Variants in GTF2F2 observed in about 807,000 individuals in gnomAD.
The protein encoded by GTF2F2 is ATP-dependent helicase GTF2F2.
A neutral mutation model predicts 42.2 loss-of-function variants in GTF2F2; 23 were observed. The observed-to-expected ratio is 0.55, with a 90% CI of 0.39 to 0.77. GTF2F2 has a LOEUF of 0.77. GTF2F2 is among the 30% of genes least tolerant of loss of function. The pLI, the probability that GTF2F2 is intolerant of heterozygous loss-of-function variation, is 0.00. For missense variants in GTF2F2, 261 were observed against 287.2 expected (o/e 0.91, Z 0.66); for synonymous variants, 105 against 100.8 (o/e 1.04, Z -0.25).
At chr13:45,269,422 C>T (rs1876697530) in intron 7 of GTF2F2, among the ~76,000 whole-genome samples, 1 of 152,078 alleles carries the variant, frequency 6.6e-6, no homozygotes, top group African/African-American at 2.4e-5. Flanking sequence ...TTACCTCCTC[C>T]TAGAGGAGAG....
At chr13:45,193,664 T>C (rs1261420903) in intron 4 of GTF2F2, 4 of 824,212 alleles carry the variant, frequency 4.9e-6, no homozygotes, top group Non-Finnish European at 7.7e-6. Context: ...TCACAGTAAT[T>C]GATTAGTAGC....
intron 1 of GTF2F2, among the ~76,000 whole-genome samples, chr13:45,122,867 C>A (rs533070897): frequency 6.6e-6 from 1 of 152,196 alleles, no homozygotes; most frequent in East Asian, 1.9e-4. Flanking sequence ...AATTCCATCA[C>A]TAGACAGGTA....
chr13:45,187,009 G>C (rs1872453917), intron 4 of GTF2F2, among the ~76,000 whole-genome samples: 1 of 152,028 alleles, frequency 6.6e-6, no homozygotes, highest in African/African-American at 2.4e-5. Context: ...GAATATTCTG[G>C]AATTATGGTT....
In GTF2F2 at chr13:45,274,114, T is replaced by G. The variant is rs376213487; in HGVS notation, c.630+6738T>G. Among the ~76,000 whole-genome samples, 44 of 152,144 alleles carry G rather than the reference T, an allele frequency of 2.9e-4. No individual in the cohort carries two copies. The East Asian group carries it at 7.0e-3, about 24-fold the overall frequency. ...CCTTCTTCACTTCGGTATTGCAGCA[T>G]TACAGAGCCATTTCTTTCTTTTTCA... On this transcript the variant is annotated intron_variant, in intron 7 of 7. Coordinates refer to ENST00000340473, the MANE Select transcript of GTF2F2 (RefSeq NM_004128.3).
intron 6 of GTF2F2, among the ~76,000 whole-genome samples, chr13:45,259,181 C>CT (rs900203173): frequency 6.6e-6 from 1 of 152,078 alleles, no homozygotes; most frequent in Non-Finnish European, 1.5e-5. Context: ...AATCCCAGCA[C>CT]TTTGGGAGGC....
At chr13:45,140,088 C>T (rs1034696004) in intron 2 of GTF2F2, among the ~76,000 whole-genome samples, 1 of 150,598 alleles carries the variant, frequency 6.6e-6, no homozygotes, top group East Asian at 1.9e-4. Flanking sequence ...CCCAGGACTA[C>T]AGGCAAGCAC....
At chr13:45,142,729 A>C (rs558315324) in intron 2 of GTF2F2, among the ~76,000 whole-genome samples, 6 of 152,202 alleles carry the variant, frequency 3.9e-5, no homozygotes, top group Non-Finnish European at 8.8e-5. Flanking sequence ...TCCTGGCTGT[A>C]TTCTCCAGGC....
At chr13:45,277,532 C>A (rs1030100696) in intron 7 of GTF2F2, among the ~76,000 whole-genome samples, 18 of 152,320 alleles carry the variant, frequency 1.2e-4, no homozygotes, top group Admixed American at 5.2e-4. Flanking sequence ...TCACCTCCAA[C>A]ACTGGGGATT....
At chr13:45,180,789 T>G (rs999016385) in intron 4 of GTF2F2, among the ~76,000 whole-genome samples, 16 of 152,156 alleles carry the variant, frequency 1.1e-4, no homozygotes, top group Admixed American at 6.6e-4. Flanking sequence ...AAAGCATGGA[T>G]TTTTCTTTAA....
chr13:45,248,673 G>A (rs1181173009), intron 5 of GTF2F2, among the ~76,000 whole-genome samples: 5 of 151,724 alleles, frequency 3.3e-5, no homozygotes, highest in African/African-American at 9.7e-5. Context: ...ACTGGGTTTC[G>A]CCATGTTGGG....
At chr13:45,262,963 T>C (rs1344589789) in intron 6 of GTF2F2, among the ~76,000 whole-genome samples, 1 of 151,998 alleles carries the variant, frequency 6.6e-6, no homozygotes, top group Non-Finnish European at 1.5e-5. Flanking sequence ...TGGTCTCAAG[T>C]GATCCTCCCC....
chr13:45,227,000 C>A (rs1874390975), intron 5 of GTF2F2, among the ~76,000 whole-genome samples: 1 of 151,986 alleles, frequency 6.6e-6, no homozygotes, highest in South Asian at 2.1e-4. Context: ...AAATAGGAGG[C>A]CAAGGTGGGA....
intron 2 of GTF2F2, among the ~76,000 whole-genome samples, chr13:45,143,531 T>C (rs1870036839): frequency 6.6e-6 from 1 of 152,206 alleles, no homozygotes; most frequent in Non-Finnish European, 1.5e-5. Context: ...TAACCACGCA[T>C]ACTACACAGG....
At chr13:45,124,143 C>T (rs962893061) in intron 1 of GTF2F2, 15 of 617,628 alleles carry the variant, frequency 2.4e-5, no homozygotes, top group African/African-American at 7.2e-5. Context: ...TCTAAGGTGG[C>T]GCGATCTCGG....
At position 45,151,743 on chromosome 13, in the gene GTF2F2, A is replaced by G. The variant is rs1285661227; in HGVS notation, c.216A>G (p.Pro72=). The G allele has an allele frequency of 6.2e-7, 1 of 1,601,256 alleles. No individual in the cohort carries two copies. ...LANIHDIGGK[P]ASVSAPREHP... ...ATATTCATGATATTGGTGGAAAACC[A>G]GCTTCAGTCAGTGCTCCTAGAGAAC... Residue 72 remains proline, a synonymous_variant, in exon 4 of 8, where the codon CCA becomes CCG. Transcript: ENST00000340473.
chr13:45,178,532 C>T (rs1363869557), intron 4 of GTF2F2, among the ~76,000 whole-genome samples: 1 of 150,556 alleles, frequency 6.6e-6, no homozygotes, highest in African/African-American at 2.4e-5. Context: ...TTTACTGGTA[C>T]TTAGTCAAGG....
At chr13:45,232,777 T>A (rs1383578190) in intron 5 of GTF2F2, among the ~76,000 whole-genome samples, 2 of 152,262 alleles carry the variant, frequency 1.3e-5, no homozygotes, top group African/African-American at 4.8e-5. Flanking sequence ...TAGTCATTAC[T>A]GAAACTAACA....
chr13:45,210,860 A>C (rs1873604607), intron 5 of GTF2F2, among the ~76,000 whole-genome samples: 1 of 152,254 alleles, frequency 6.6e-6, no homozygotes, highest in Non-Finnish European at 1.5e-5. Context: ...TAGATAGATC[A>C]TTCTGGCCAT....
intron 4 of GTF2F2, among the ~76,000 whole-genome samples, chr13:45,163,472 G>A (rs1045747714): frequency 6.6e-6 from 1 of 152,084 alleles, no homozygotes; most frequent in South Asian, 2.1e-4. Context: ...GGAGGCGGAG[G>A]TTGCAGTGAG....
Sources: gnomAD v4.1 joint callset for allele counts (sites outside exome capture counted in the v4.1 genomes callset) on GRCh38, gnomAD v4.1.1 for gene constraint, MANE v1.5 for transcripts, NCBI Gene and HGNC (gene_info 2026-07-23, HGNC 2026-07-21) for gene names.